The following RORA variants were observed in gnomAD, a reference collection of about 807,000 sequenced individuals.
RORA encodes nuclear receptor ROR-alpha.
Under a neutral mutation model 69.5 loss-of-function variants are expected in RORA, and 7 were observed. That is an observed-to-expected ratio of 0.10 (90% confidence interval 0.06 to 0.19). RORA has a LOEUF of 0.19. RORA is among the 10% of genes least tolerant of loss of function. The pLI, the probability that RORA is intolerant of heterozygous loss-of-function variation, is 1.00. For missense variants in RORA, 457 were observed against 663.0 expected (o/e 0.69, Z 3.41); for synonymous variants, 261 against 240.8 (o/e 1.08, Z -0.78).
intron 1 of RORA, among the ~76,000 whole-genome samples, chr15:60,712,451 C>A (rs943839254): frequency 6.6e-6 from 1 of 152,168 alleles, no homozygotes; most frequent in Non-Finnish European, 1.5e-5. Context: ...TCTCTATTGT[C>A]TAGTGGAACT....
At chr15:60,929,719 C>T (rs1892320916) in intron 1 of RORA, among the ~76,000 whole-genome samples, 1 of 152,178 alleles carries the variant, frequency 6.6e-6, no homozygotes, top group South Asian at 2.1e-4. Flanking sequence ...CCGCTTCGCT[C>T]TTCAACTTCT....
chr15:61,100,263 C>T (rs752189469), intron 1 of RORA, among the ~76,000 whole-genome samples: 1 of 151,860 alleles, frequency 6.6e-6, no homozygotes, highest in African/African-American at 2.4e-5. Context: ...GGATTACAGG[C>T]ACGTGTCACC....
At chr15:60,839,033 C>T (rs1043926454) in intron 1 of RORA, among the ~76,000 whole-genome samples, 13 of 152,054 alleles carry the variant, frequency 8.5e-5, no homozygotes, top group East Asian at 1.9e-4. Flanking sequence ...GGACTACAGG[C>T]GCCCGCCACC....
intron 4 of RORA, among the ~76,000 whole-genome samples, chr15:60,514,344 T>C (rs184448350): frequency 1.8e-4 from 28 of 152,162 alleles, no homozygotes; most frequent in Middle Eastern, 3.4e-3. Context: ...ATGGCTGAAA[T>C]ATCAAAAATC....
intron 3 of RORA, among the ~76,000 whole-genome samples, chr15:60,519,223 T>C (rs558871029): frequency 1.3e-5 from 2 of 152,004 alleles, no homozygotes; most frequent in East Asian, 1.9e-4. Flanking sequence ...TGTCTTATGG[T>C]ACCTGATTAA....
At chr15:60,809,186 A>C (rs952923385) in intron 1 of RORA, among the ~76,000 whole-genome samples, 1 of 152,208 alleles carries the variant, frequency 6.6e-6, no homozygotes, top group African/African-American at 2.4e-5. Flanking sequence ...AAATTAAAAA[A>C]TGTAAAAAGT....
chr15:60,757,313 TATC>T (rs1567180115), intron 1 of RORA, among the ~76,000 whole-genome samples: 1 of 152,052 alleles, frequency 6.6e-6, no homozygotes, highest in Non-Finnish European at 1.5e-5. Context: ...CCATAAACAT[TATC>T]AGGTCTCTCT....
intron 1 of RORA, among the ~76,000 whole-genome samples, chr15:60,825,447 T>G (rs1329475390): frequency 6.6e-6 from 1 of 152,228 alleles, no homozygotes; most frequent in Non-Finnish European, 1.5e-5. Context: ...GGCAAAGCTA[T>G]CTTAGAGTCT....
intron 2 of RORA, among the ~76,000 whole-genome samples, chr15:60,673,233 T>C (rs2070501052): frequency 6.6e-6 from 1 of 152,258 alleles, no homozygotes; most frequent in African/African-American, 2.4e-5. Context: ...AGTTTTTCTA[T>C]GGAGTTCACA....
chr15:60,661,108 A>G (rs1386161263), intron 2 of RORA, among the ~76,000 whole-genome samples: 1 of 150,636 alleles, frequency 6.6e-6, no homozygotes, highest in African/African-American at 2.4e-5. Context: ...GGAAAAAATT[A>G]AAGAGCAGAT....
intron 3 of RORA, among the ~76,000 whole-genome samples, chr15:60,517,775 T>A (rs1387691005): frequency 6.6e-6 from 1 of 152,230 alleles, no homozygotes; most frequent in Non-Finnish European, 1.5e-5. Context: ...TTGTTTTTGC[T>A]TTAGCTGAAG....
intron 1 of RORA, among the ~76,000 whole-genome samples, chr15:60,792,685 A>G (rs1184485907): frequency 6.6e-6 from 1 of 152,224 alleles, no homozygotes; most frequent in East Asian, 1.9e-4. Context: ...CCAGAATTGT[A>G]TCTTCAGGAA....
intron 1 of RORA, among the ~76,000 whole-genome samples, chr15:61,155,919 G>A (rs1202734157): frequency 6.6e-6 from 1 of 152,138 alleles, no homozygotes; most frequent in Non-Finnish European, 1.5e-5. Context: ...ATGCACACAC[G>A]GGCACTCTGG....
At chr15:60,702,260 C>G (rs1423831128) in intron 1 of RORA, among the ~76,000 whole-genome samples, 3 of 152,178 alleles carry the variant, frequency 2.0e-5, no homozygotes, top group Non-Finnish European at 4.4e-5. Context: ...GAGTCTCGCT[C>G]TGTCACCCAG....
chr15:60,971,460 C>T (rs986699931), intron 1 of RORA, among the ~76,000 whole-genome samples: 1 of 152,288 alleles, frequency 6.6e-6, no homozygotes, highest in Admixed American at 6.5e-5. Flanking sequence ...ACGGAGGATG[C>T]GGATGTCCAA....
intron 1 of RORA, among the ~76,000 whole-genome samples, chr15:60,935,758 A>T (rs1892501729): frequency 6.6e-6 from 1 of 152,222 alleles, no homozygotes; most frequent in South Asian, 2.1e-4. Context: ...TTCATCCTTC[A>T]TTGCTTTGGA....
chr15:60,817,624 C>T (rs963203127), intron 1 of RORA, among the ~76,000 whole-genome samples: 1 of 152,232 alleles, frequency 6.6e-6, no homozygotes, highest in Non-Finnish European at 1.5e-5. Context: ...CCTTGGCGCC[C>T]TGACACACCT....
At chr15:61,036,069 C>T (rs762194302) in intron 1 of RORA, among the ~76,000 whole-genome samples, 3 of 151,994 alleles carry the variant, frequency 2.0e-5, no homozygotes, top group African/African-American at 4.8e-5. Flanking sequence ...AAAAAGTTAC[C>T]GAAAGATAAC....
intron 1 of RORA, among the ~76,000 whole-genome samples, chr15:61,087,720 C>T (rs1043102008): frequency 6.6e-6 from 1 of 152,182 alleles, no homozygotes; most frequent in Non-Finnish European, 1.5e-5. Flanking sequence ...TGCTAACAGT[C>T]GAGCTTGCAC....
Sources: gnomAD v4.1 joint callset for allele counts (sites outside exome capture counted in the v4.1 genomes callset) on GRCh38, gnomAD v4.1.1 for gene constraint, MANE v1.5 for transcripts, NCBI Gene and HGNC (gene_info 2026-07-23, HGNC 2026-07-21) for gene names.